The following MGAT4A variants were observed in gnomAD, a reference collection of about 807,000 sequenced individuals.
MGAT4A encodes the protein alpha-1,3-mannosyl-glycoprotein 4-beta-N-acetylglucosaminyltransferase A.
MGAT4A carries 33 observed loss-of-function variants against 74.1 expected under a neutral mutation model. The ratio of observed to expected loss-of-function variants is 0.45; its 90% CI spans 0.34 to 0.60. The LOEUF (loss-of-function observed/expected upper bound fraction) is 0.60, where lower values mean the gene tolerates loss of function less well. MGAT4A is among the 20% of genes least tolerant of loss of function. The pLI is 0.02. For synonymous variants in MGAT4A, 198 were observed against 210.4 expected (o/e 0.94, Z 0.51); for missense variants, 479 against 628.3 (o/e 0.76, Z 2.54).
intron 2 of MGAT4A, among the ~76,000 whole-genome samples, chr2:98,722,054 G>C (rs1381294328): frequency 6.6e-6 from 1 of 152,184 alleles, no homozygotes; most frequent in African/African-American, 2.4e-5. Context: ...GTATAAGAAT[G>C]TGTACAGGTC....
chr2:98,657,109 CA>C (rs1701671975), intron 6 of MGAT4A, among the ~76,000 whole-genome samples: 1 of 152,204 alleles, frequency 6.6e-6, no homozygotes, highest in East Asian at 1.9e-4. Flanking sequence ...TTATCTGGCC[CA>C]AAATGTCCAT....
chr2:98,619,510 A>G lies in MGAT4A; in HGVS notation c.*6056T>C, dbSNP rs150256020. 1.3e-4 allele frequency: 20 copies of G among 152,292 alleles called. No homozygotes were observed. The East Asian group carries it at 3.3e-3, about 25-fold the overall frequency. The allele number at this position is 152,292 out of a possible 1,614,324, so 9.4% of individuals were successfully genotyped here. Reference sequence around the variant, plus strand: ...CTGAATGGGACACTTCAGTTTTTCCATTCCATAAATGAAACACAATTGTTA... The same window carrying G: ...CTGAATGGGACACTTCAGTTTTTCCGTTCCATAAATGAAACACAATTGTTA... On this transcript the variant is annotated 3_prime_UTR_variant, in exon 16 of 16. Coordinates refer to ENST00000393487, the MANE Select transcript of MGAT4A (RefSeq NM_012214.3).
rs1206095843 is a variant in MGAT4A at position 98,619,370 on chromosome 2, T to C, written c.*6196A>G. On this transcript the variant is annotated 3_prime_UTR_variant, in exon 16 of 16. Transcript: ENST00000393487. ...GACATTTTAAGGAAAATATATACAATACATTTAAGAAAAAAAAAAATCTGG... is the reference window on the plus strand; with the variant it reads ...GACATTTTAAGGAAAATATATACAACACATTTAAGAAAAAAAAAAATCTGG... 1 of 151,818 alleles carries C rather than the reference T, an allele frequency of 6.6e-6. No homozygotes were observed. Among genetic ancestry groups the C allele is most frequent in the East Asian group, 1.9e-4 (1 of 5,188 alleles). The allele number at this position is 151,818 out of a possible 1,614,324, so 9.4% of individuals were successfully genotyped here.
chr2:98,653,217 A>T (rs1028709359), intron 8 of MGAT4A, among the ~76,000 whole-genome samples: 2 of 151,780 alleles, frequency 1.3e-5, no homozygotes, highest in African/African-American at 4.8e-5. Flanking sequence ...AAAAAGAAGA[A>T]AGATCTCAAA....
At chr2:98,639,088 C>A (rs1044006060) in intron 12 of MGAT4A, among the ~76,000 whole-genome samples, 3 of 152,102 alleles carry the variant, frequency 2.0e-5, no homozygotes, top group Non-Finnish European at 4.4e-5. Context: ...AGTTTGAGAC[C>A]AGCCTGGCCA....
At position 98,643,930 on chromosome 2, in the gene MGAT4A, T is replaced by C. The variant is rs946716445; in HGVS notation, c.1013A>G (p.Lys338Arg). 6.5e-7 allele frequency: 1 copy of C among 1,548,740 alleles called. No individual in the cohort carries two copies. ...GGTGAGGAATTAACTTACTGCATCT[T>C]TTTCAGGGTTGCAGACTTTCACCCA... ...ILWVKVCNPE[K>R]DAKHCDRQKA... The change falls in exon 10 of 16, where the codon AAA becomes AGA. Residue 338 changes from lysine (K) to arginine (R), a missense_variant. This residue lies in a region of MGAT4A where 236 missense variants were observed against 308.2 expected (regional missense o/e 0.77). Transcript: ENST00000393487.
rs904321697 is a variant in MGAT4A at position 98,651,104 on chromosome 2, T to C, written c.774+4341A>G. ...GAAAGAAAGAAAGAAATTAAGACTT[T>C]CCCAGATAAACAAAAGCTGAGTGAG... On this transcript the variant is annotated intron_variant, in intron 8 of 15. Transcript: ENST00000393487. Among the ~76,000 whole-genome samples, 13 of 151,338 alleles carry C rather than the reference T, an allele frequency of 8.6e-5. No individual in the cohort carries two copies. The East Asian group carries it at 2.5e-3, about 29-fold the overall frequency.
chr2:98,687,815 G>C (rs1702148933), intron 2 of MGAT4A, among the ~76,000 whole-genome samples: 1 of 152,136 alleles, frequency 6.6e-6, no homozygotes, highest in Admixed American at 6.5e-5. Flanking sequence ...TCCAACACCG[G>C]CTAGTGCTTC....
chr2:98,684,618 T>C (rs1296839526), intron 2 of MGAT4A, among the ~76,000 whole-genome samples: 1 of 152,232 alleles, frequency 6.6e-6, no homozygotes, highest in Non-Finnish European at 1.5e-5. Context: ...AAATTGCTGA[T>C]ATTTGATCCT....
At chr2:98,652,888 G>A (rs2104255058) in intron 8 of MGAT4A, among the ~76,000 whole-genome samples, 1 of 152,270 alleles carries the variant, frequency 6.6e-6, no homozygotes, top group South Asian at 2.1e-4. Context: ...GCCTCCCAAA[G>A]TGTTGGGATT....
intron 5 of MGAT4A, among the ~76,000 whole-genome samples, chr2:98,660,418 GCACACACACACACACACACACA>G (rs534943882): frequency 1.3e-4 from 19 of 141,720 alleles, no homozygotes; most frequent in South Asian, 2.2e-4. Context: ...ACACGCACGC[GCACACACACACACACACACACA>G]CACACACACA....
intron 14 of MGAT4A, among the ~76,000 whole-genome samples, chr2:98,628,071 C>T (rs561439123): frequency 2.0e-5 from 3 of 151,664 alleles, no homozygotes; most frequent in Non-Finnish European, 4.4e-5. Flanking sequence ...TTTTTTAGCA[C>T]CATTTGTTTA....
At chr2:98,722,761 A>G (rs1002185190) in intron 2 of MGAT4A, among the ~76,000 whole-genome samples, 1 of 150,634 alleles carries the variant, frequency 6.6e-6, no homozygotes, top group African/African-American at 2.4e-5. Flanking sequence ...TCAATCATGT[A>G]TCTAACAAAT....
intron 4 of MGAT4A, among the ~76,000 whole-genome samples, chr2:98,673,497 C>A (rs563378327): frequency 1.3e-5 from 2 of 152,062 alleles, no homozygotes; most frequent in African/African-American, 2.4e-5. Flanking sequence ...AAATGTTTAA[C>A]GTAAATATGG....
At chr2:98,716,703 C>T (rs1702596442) in intron 2 of MGAT4A, among the ~76,000 whole-genome samples, 1 of 152,148 alleles carries the variant, frequency 6.6e-6, no homozygotes, top group South Asian at 2.1e-4. Context: ...CCTTGCTATC[C>T]ATGGGGGATA....
intron 12 of MGAT4A, 94 bp from the exon 13 acceptor site, chr2:98,636,689 A>C: frequency 9.6e-7 from 1 of 1,039,244 alleles, no homozygotes; most frequent in Non-Finnish European, 1.5e-6. Context: ...GCTTTTCTAC[A>C]CAAGACTCTA....
chr2:98,688,685 C>G (rs1004570064), intron 2 of MGAT4A, among the ~76,000 whole-genome samples: 3 of 152,156 alleles, frequency 2.0e-5, no homozygotes, highest in African/African-American at 7.2e-5. Context: ...GAAATGACTT[C>G]CGCCAACAGT....
chr2:98,665,591 C>G (rs1701818030), intron 4 of MGAT4A, among the ~76,000 whole-genome samples: 1 of 152,220 alleles, frequency 6.6e-6, no homozygotes, highest in Non-Finnish European at 1.5e-5. Context: ...CTGCAAGGCA[C>G]TATTCTAGGT....
At chr2:98,678,055 C>T (rs1036185147) in intron 3 of MGAT4A, among the ~76,000 whole-genome samples, 4 of 149,864 alleles carry the variant, frequency 2.7e-5, no homozygotes, top group African/African-American at 9.8e-5. Context: ...TCGTGAAACC[C>T]CGTCTCTACT....
Sources: allele counts gnomAD v4.1 joint callset (sites outside exome capture counted in the v4.1 genomes callset), GRCh38; gene constraint gnomAD v4.1.1; regional missense constraint gnomAD v4.1.1; transcripts MANE v1.5; gene names NCBI Gene and HGNC (gene_info 2026-07-23, HGNC 2026-07-21).